RFX7: variants seen among roughly 807,000 people sequenced by gnomAD.
RFX7 encodes regulatory factor X7.
In RFX7, 26 loss-of-function variants were observed where a neutral mutation model predicts 111.8. The ratio of observed to expected loss-of-function variants is 0.23; its 90% CI spans 0.17 to 0.32. The LOEUF (loss-of-function observed/expected upper bound fraction) is 0.32, where lower values mean the gene tolerates loss of function less well. Among genes scored for constraint, RFX7 ranks in the 10% least tolerant of loss-of-function variants. The probability of loss-of-function intolerance (pLI) is 1.00; values close to 1 mark genes in which losing one functional copy is unlikely to be tolerated. For synonymous variants in RFX7, 624 were observed against 624.4 expected (o/e 1.00, Z 0.01); for missense variants, 1,573 against 1,772.9 (o/e 0.89, Z 2.02).
chr15:56,185,924 T>C (rs1471363545), intron 2 of RFX7, among the ~76,000 whole-genome samples: 1 of 152,232 alleles, frequency 6.6e-6, no homozygotes, highest in African/African-American at 2.4e-5. Flanking sequence ...CAAAGATTAT[T>C]TTTCAGAGGA....
Position 56,131,335 on chromosome 15 carries a change from T to TGGTGCGATCA in RFX7, c.401+11442_401+11443insTGATCGCACC, listed in dbSNP as rs1567020060. Among the ~76,000 whole-genome samples, 292 of 146,122 alleles carry TGGTGCGATCA rather than the reference T, an allele frequency of 2.0e-3. 1 individual carries two copies. Among genetic ancestry groups the TGGTGCGATCA allele is most frequent in the African/African-American group, 7.1e-3 (278 of 39,118 alleles). Reference sequence around the variant, plus strand: ...ACTCTGTCACCCAGGTTGGAGTGCATTGGCTTACTGCCGCCTCCACCTCCT... The same window carrying TGGTGCGATCA: ...ACTCTGTCACCCAGGTTGGAGTGCATGGTGCGATCATGGCTTACTGCCGCCTCCACCTCCT... On this transcript the variant is annotated intron_variant, in intron 5 of 9. Transcript: ENST00000559447.
At chr15:56,141,801 T>A (rs2141023346) in intron 5 of RFX7, among the ~76,000 whole-genome samples, 1 of 151,334 alleles carries the variant, frequency 6.6e-6, no homozygotes, top group East Asian at 1.9e-4. Context: ...ACAAGTTGGA[T>A]CACATGCACT....
intron 3 of RFX7, among the ~76,000 whole-genome samples, chr15:56,165,948 C>T (rs2042777145): frequency 6.6e-6 from 1 of 152,154 alleles, no homozygotes; most frequent in Non-Finnish European, 1.5e-5. Flanking sequence ...GTCACCCAGG[C>T]TGGAGTGCAG....
intron 2 of RFX7, among the ~76,000 whole-genome samples, chr15:56,184,893 A>G (rs2043021413): frequency 6.6e-6 from 1 of 152,230 alleles, no homozygotes; most frequent in Non-Finnish European, 1.5e-5. Flanking sequence ...CTATATTCCC[A>G]ACGCAAGGAA....
intron 2 of RFX7, among the ~76,000 whole-genome samples, chr15:56,218,899 A>T (rs1022557462): frequency 6.6e-6 from 1 of 152,222 alleles, no homozygotes; most frequent in Non-Finnish European, 1.5e-5. Context: ...AGAGAGATCG[A>T]ATTGCACAAT....
At chr15:56,205,261 C>A (rs1321383521) in intron 2 of RFX7, among the ~76,000 whole-genome samples, 3 of 152,196 alleles carry the variant, frequency 2.0e-5, no homozygotes, top group African/African-American at 7.2e-5. Context: ...CAAGTTTTGC[C>A]AATTCCAGTG....
chr15:56,095,511 G>C lies in RFX7; in HGVS notation c.2217C>G (p.Ile739Met). 6.2e-7 allele frequency: 1 copy of C among 1,613,174 alleles called. No individual in the cohort carries two copies. Among genetic ancestry groups the C allele is most frequent in the Non-Finnish European group, 8.5e-7 (1 of 1,179,854 alleles). The change falls in exon 10 of 10, where the codon ATC becomes ATG. Residue 739 changes from isoleucine (I) to methionine (M), a missense_variant. By Grantham distance (10) the Ile-to-Met change is conservative. Transcript: ENST00000559447. Reference sequence around the variant, plus strand: ...TTTGCTGTTCCAAAGCTGAATCACTGATAACAAGGGCAGAGGAATTCAAGG... The same window carrying C: ...TTTGCTGTTCCAAAGCTGAATCACTCATAACAAGGGCAGAGGAATTCAAGG... ...NQPLNSSALV[I>M]SDSALEQQTT...
At chr15:56,121,195 C>G (rs1278202507) in intron 5 of RFX7, among the ~76,000 whole-genome samples, 1 of 152,090 alleles carries the variant, frequency 6.6e-6, no homozygotes, top group Admixed American at 6.6e-5. Flanking sequence ...AATCCCTAAG[C>G]TTTTGTCTGT....
Position 56,093,272 on chromosome 15 carries a change from G to A in RFX7, c.*73C>T, listed in dbSNP as rs1485392181. 16 of 1,267,742 alleles carry A rather than the reference G, an allele frequency of 1.3e-5. No homozygotes were observed. The highest frequency in any genetic ancestry group is 3.0e-5 in the African/African-American group (2 of 66,886). 78.5% of individuals were successfully genotyped at this position (1,267,742 alleles called of 1,614,324 possible). ...ACAATTAATAGTATTTCTGCTGCGG[G>A]AGGCACTTCCATTAAGACAAATACA... On this transcript the variant is annotated 3_prime_UTR_variant, in exon 10 of 10. Transcript: ENST00000559447.
intron 2 of RFX7, among the ~76,000 whole-genome samples, chr15:56,190,824 G>T (rs978369040): frequency 6.6e-6 from 1 of 152,144 alleles, no homozygotes; most frequent in East Asian, 1.9e-4. Flanking sequence ...GAAAAAAGGG[G>T]GTGAAACCCT....
At chr15:56,186,502 T>C (rs759846755) in intron 2 of RFX7, among the ~76,000 whole-genome samples, 5 of 152,146 alleles carry the variant, frequency 3.3e-5, no homozygotes, top group Non-Finnish European at 5.9e-5. Flanking sequence ...TTTCTGTATA[T>C]ATCTTATCAA....
intron 5 of RFX7, among the ~76,000 whole-genome samples, chr15:56,122,658 G>T (rs947033838): frequency 4.6e-5 from 7 of 152,208 alleles, no homozygotes; most frequent in Non-Finnish European, 8.8e-5. Flanking sequence ...GTCCAGAGAT[G>T]CTATCCAGGA....
At chr15:56,121,151 A>G (rs2042073761) in intron 5 of RFX7, among the ~76,000 whole-genome samples, 1 of 152,206 alleles carries the variant, frequency 6.6e-6, no homozygotes, top group South Asian at 2.1e-4. Flanking sequence ...AACTCTGTTT[A>G]GTATTTCTTG....
At chr15:56,139,255 A>G (rs1349818284) in intron 5 of RFX7, among the ~76,000 whole-genome samples, 3 of 150,732 alleles carry the variant, frequency 2.0e-5, no homozygotes, top group Non-Finnish European at 3.0e-5. Flanking sequence ...AGGTACACCA[A>G]TCAGACGTAG....
At chr15:56,219,457 G>T (rs114508247) in intron 2 of RFX7, among the ~76,000 whole-genome samples, 2,668 of 152,228 alleles carry the variant, frequency 0.018, 84 homozygotes, top group African/African-American at 0.06. Context: ...TTGGTGTACA[G>T]ATTATTTTGT....
rs1424297143 is a variant in RFX7, at chr15:56,135,460, CTGTT to C, written c.401+7314_401+7317del. 7.2e-5 allele frequency among the ~76,000 whole-genome samples: 11 copies of C among 151,880 alleles called. 1 individual carries two copies. The South Asian group carries it at 2.1e-3, about 29-fold the overall frequency. ...GTCCTTCACCCACTTTTTGATGGGG[CTGTT>C]TGTTTTTTTCTTGTAAATTTGTTTG... On this transcript the variant is annotated intron_variant, in intron 5 of 9. Transcript: ENST00000559447.
At chr15:56,200,483 A>G (rs2141179936) in intron 2 of RFX7, among the ~76,000 whole-genome samples, 1 of 152,308 alleles carries the variant, frequency 6.6e-6, no homozygotes. Context: ...TTTCAGAGGA[A>G]GTTACAAACC....
At chr15:56,241,680 G>C (rs1488602434) in intron 2 of RFX7, among the ~76,000 whole-genome samples, 1 of 151,438 alleles carries the variant, frequency 6.6e-6, no homozygotes, top group Non-Finnish European at 1.5e-5. Context: ...CTTTAAAAAG[G>C]GGGTGAGGGT....
At chr15:56,141,754 T>G (rs1704235237) in intron 5 of RFX7, among the ~76,000 whole-genome samples, 1 of 149,146 alleles carries the variant, frequency 6.7e-6, no homozygotes, top group South Asian at 2.1e-4. Context: ...GTCTGGCATA[T>G]AGGTATTCAA....
Sources: allele counts gnomAD v4.1 joint callset (sites outside exome capture counted in the v4.1 genomes callset), GRCh38; gene constraint gnomAD v4.1.1; transcripts MANE v1.5; gene names NCBI Gene and HGNC (gene_info 2026-07-23, HGNC 2026-07-21).